Variants in PIK3R3 observed in about 807,000 individuals in gnomAD.
PIK3R3 encodes phosphoinositide-3-kinase regulatory subunit 3.
Under a neutral mutation model 62.9 loss-of-function variants are expected in PIK3R3, and 64 were observed. The observed-to-expected ratio is 1.02, with a 90% CI of 0.83 to 1.25. The LOEUF (loss-of-function observed/expected upper bound fraction) is 1.25, where lower values mean the gene tolerates loss of function less well. PIK3R3 is among the 50% of genes most tolerant of loss of function. The pLI is 0.00. For missense variants in PIK3R3, 614 were observed against 561.6 expected (o/e 1.09, Z -0.94); for synonymous variants, 165 against 189.0 (o/e 0.87, Z 1.04).
the PIK3R3 span, among the ~76,000 whole-genome samples, chr1:46,166,066 G>A: frequency 6.6e-6 from 1 of 151,398 alleles, no homozygotes; most frequent in African/African-American, 2.4e-5. Context: ...GAGCCACCGT[G>A]CCCGGCCTGT....
intron 7 of PIK3R3, among the ~76,000 whole-genome samples, chr1:46,051,296 T>C (rs1647320941): frequency 6.6e-6 from 1 of 152,084 alleles, no homozygotes; most frequent in Non-Finnish European, 1.5e-5. Flanking sequence ...AGTCTCATTC[T>C]GTTGCCCAGG....
At chr1:46,161,548 G>A in the PIK3R3 span, among the ~76,000 whole-genome samples, 3 of 152,172 alleles carry the variant, frequency 2.0e-5, no homozygotes, top group Non-Finnish European at 4.4e-5. Context: ...CTCTGATCCA[G>A]TAATTTCACT....
At chr1:46,149,606 A>G in the PIK3R3 span, among the ~76,000 whole-genome samples, 1 of 151,836 alleles carries the variant, frequency 6.6e-6, no homozygotes, top group Admixed American at 6.6e-5. Flanking sequence ...GCGCGATCTC[A>G]GCTCACTGCA....
At chr1:46,145,371 TAA>T in the PIK3R3 span, among the ~76,000 whole-genome samples, 73 of 149,734 alleles carry the variant, frequency 4.9e-4, 1 homozygote, top group South Asian at 1.1e-3. Flanking sequence ...GATAACTTTT[TAA>T]AAAAAAAAAA....
intron 1 of PIK3R3, among the ~76,000 whole-genome samples, chr1:46,110,870 G>GT (rs35534130): frequency 0.46 from 67,383 of 146,798 alleles, 15,281 homozygotes; most frequent in East Asian, 0.61. Flanking sequence ...GAAAAAGTTG[G>GT]TTTTTTTTTT....
At chr1:46,076,656 A>G (rs759606762) in intron 3 of PIK3R3, among the ~76,000 whole-genome samples, 5 of 152,244 alleles carry the variant, frequency 3.3e-5, no homozygotes, top group Admixed American at 1.3e-4. Flanking sequence ...TAAAGATATT[A>G]GGCTGGAAAG....
intron 1 of PIK3R3, among the ~76,000 whole-genome samples, chr1:46,098,789 C>CAGTA (rs1652382240): frequency 6.6e-6 from 1 of 152,220 alleles, no homozygotes; most frequent in Non-Finnish European, 1.5e-5. Flanking sequence ...CAACCTCAAA[C>CAGTA]TACTGAGTTC....
upstream of PIK3R3, among the ~76,000 whole-genome samples, chr1:46,135,730 T>G (rs986966757): frequency 6.6e-6 from 1 of 152,244 alleles, no homozygotes; most frequent in African/African-American, 2.4e-5. Context: ...CAATATTTTT[T>G]TAAAAGCCTT....
chr1:46,052,440 A>T (rs908514643), intron 7 of PIK3R3, among the ~76,000 whole-genome samples: 2 of 152,124 alleles, frequency 1.3e-5, no homozygotes, highest in African/African-American at 2.4e-5. Context: ...TTGAAAAGGA[A>T]TTTTTTAAAA....
upstream of PIK3R3, among the ~76,000 whole-genome samples, chr1:46,137,062 G>A (rs1008218397): frequency 1.3e-5 from 2 of 151,664 alleles, no homozygotes. Flanking sequence ...TTACAGATGA[G>A]GAAATTGAGA....
intron 3 of PIK3R3, among the ~76,000 whole-genome samples, chr1:46,067,394 A>T (rs1649112194): frequency 6.6e-6 from 1 of 151,944 alleles, no homozygotes; most frequent in Non-Finnish European, 1.5e-5. Flanking sequence ...AAAATAAAAC[A>T]GAAGTAAATT....
At chr1:46,088,140 T>G (rs1346376246) in intron 1 of PIK3R3, among the ~76,000 whole-genome samples, 1 of 152,160 alleles carries the variant, frequency 6.6e-6, no homozygotes, top group Non-Finnish European at 1.5e-5. Flanking sequence ...ATCTCAACAT[T>G]CTGGGAGGCC....
chr1:46,105,097 T>G, intron 1 of PIK3R3: 1 of 737,196 alleles, frequency 1.4e-6, no homozygotes, highest in South Asian at 1.4e-5. Context: ...TATGGACTTA[T>G]GTAGCAACTC....
At chr1:46,079,503 G>C (rs1650379179) in intron 2 of PIK3R3, among the ~76,000 whole-genome samples, 1 of 152,090 alleles carries the variant, frequency 6.6e-6, no homozygotes, top group Admixed American at 6.5e-5. Flanking sequence ...AAAGACTTTG[G>C]AACCACTGGC....
At chr1:46,063,506 T>C (rs947078153) in intron 5 of PIK3R3, among the ~76,000 whole-genome samples, 1 of 152,192 alleles carries the variant, frequency 6.6e-6, no homozygotes, top group African/African-American at 2.4e-5. Flanking sequence ...ACCTATAAAG[T>C]TCTGGCCCTG....
At chr1:46,054,397 CAAAAAAA>C (rs10649671) in intron 7 of PIK3R3, among the ~76,000 whole-genome samples, 25 of 80,048 alleles carry the variant, frequency 3.1e-4, no homozygotes, top group African/African-American at 1.3e-3. Context: ...CTCCGCCTCA[CAAAAAAA>C]AAAAAAAAAA....
chr1:46,041,520 C>G lies in PIK3R3; in HGVS notation c.*2153G>C, dbSNP rs977234465. ...CAGACACATTACTGAATACTACAGC[C>G]CTGTATCTGTATTTCCATTTTGGTT... On this transcript the variant is annotated 3_prime_UTR_variant, in exon 10 of 10. Transcript: ENST00000262741. 34 of 176,800 alleles carry G rather than the reference C, an allele frequency of 1.9e-4. No homozygotes were observed. Among genetic ancestry groups the G allele is most frequent in the Non-Finnish European group, 3.7e-4 (30 of 81,964 alleles). 11.0% of individuals were successfully genotyped at this position (176,800 alleles called of 1,614,324 possible).
At chr1:46,104,891 G>A (rs1004283012) in intron 1 of PIK3R3, 21 of 478,290 alleles carry the variant, frequency 4.4e-5, no homozygotes, top group Non-Finnish European at 7.4e-5. Flanking sequence ...TTGCGCCACT[G>A]CACTCCAGCC....
At chr1:46,087,052 G>T (rs1024878317) in intron 1 of PIK3R3, among the ~76,000 whole-genome samples, 3 of 152,286 alleles carry the variant, frequency 2.0e-5, no homozygotes, top group Admixed American at 6.5e-5. Context: ...TCACTCATAG[G>T]TGGGAACTGA....
Sources: gnomAD v4.1 joint callset for allele counts (sites outside exome capture counted in the v4.1 genomes callset) on GRCh38, gnomAD v4.1.1 for gene constraint, MANE v1.5 for transcripts, NCBI Gene and HGNC (gene_info 2026-07-23, HGNC 2026-07-21) for gene names.